PPP1R12C: variants seen among roughly 807,000 people sequenced by gnomAD.
PPP1R12C encodes the protein leukocyte receptor cluster (LRC) encoded novel gene 3.
A neutral mutation model predicts 95.6 loss-of-function variants in PPP1R12C; 48 were observed. The observed-to-expected ratio is 0.50, with a 90% confidence interval of 0.40 to 0.64. The LOEUF (loss-of-function observed/expected upper bound fraction) is 0.64, where lower values mean the gene tolerates loss of function less well. Among genes scored for constraint, PPP1R12C ranks in the 30% least tolerant of loss-of-function variants. PPP1R12C has a pLI of 0.00. For synonymous variants in PPP1R12C, 480 were observed against 460.8 expected, an observed-to-expected ratio of 1.04 and a Z score of -0.53; for missense variants, 1,057 against 1,083.3, an observed-to-expected ratio of 0.98 and a Z score of 0.34.
At chr19:55,094,594 C>T in intron 12 of PPP1R12C, 67 bp downstream of exon 12, 1 of 1,529,256 alleles carries the variant, frequency 6.5e-7, no homozygotes. Flanking sequence ...AGCCCCGGGA[C>T]TCCTGCTTCA....
rs1485892735 is a variant in PPP1R12C, at chr19:55,097,316, C to T, written c.952-981G>A. 2.1e-3 allele frequency among the ~76,000 whole-genome samples: 239 copies of T among 111,450 alleles called. 1 individual carries two copies. Among genetic ancestry groups the T allele is most frequent in the African/African-American group, 7.3e-3 (221 of 30,196 alleles). 73.1% of individuals were successfully genotyped at this position (111,450 alleles called of 152,430 possible). Reference sequence around the variant, plus strand: ...ACCCCTTCCCCACGCAGTTCACCACCGTCTTCACCCCTTCCCTGCAGTTCA... The same window carrying T: ...ACCCCTTCCCCACGCAGTTCACCACTGTCTTCACCCCTTCCCTGCAGTTCA... On this transcript the variant is annotated intron_variant, in intron 6 of 21. Transcript: ENST00000263433.
In PPP1R12C at chr19:55,095,605, TG is replaced by T; in HGVS notation, c.1228-3del. ...GGAGAAGGGGGCCTCTTCAAGCTGC[TG>T]GGAGAAGGAGGAGGTCTCAGTTAGA... On this transcript the variant is annotated splice_polypyrimidine_tract_variant and splice_region_variant and intron_variant, in intron 9 of 21. Transcript: ENST00000263433. 4 of 1,555,064 alleles carry T rather than the reference TG, an allele frequency of 2.6e-6. No homozygotes were observed. The highest frequency in any genetic ancestry group is 3.5e-6 in the Non-Finnish European group (4 of 1,154,958).
intron 1 of PPP1R12C, chr19:55,115,171 C>G (rs930693694): frequency 2.0e-5 from 3 of 152,208 alleles, no homozygotes; most frequent in Admixed American, 1.3e-4. Flanking sequence ...GGAGTAGAGG[C>G]GGCCACGACC....
chr19:55,092,031 G>C lies in PPP1R12C; in HGVS notation c.2161-122C>G, dbSNP rs550933608. On this transcript the variant is annotated intron_variant, in intron 19 of 21. Transcript: ENST00000263433. ...CAGCCCACAAGCCCTTCCCCCACGG[G>C]CCAGGCCCCGCCACCGGCAGGCCCA... The C allele has an allele frequency of 2.6e-4, 329 of 1,275,598 alleles. 3 individuals are homozygous for C. In the Middle Eastern group the frequency reaches 7.1e-3, roughly 28 times the overall value. 79.0% of individuals were successfully genotyped at this position (1,275,598 alleles called of 1,614,324 possible). A position where few individuals can be genotyped will look rare whatever the true frequency, so the allele number is the denominator to read the frequency against.
At chr19:55,115,266 G>T in intron 1 of PPP1R12C, 1 of 152,334 alleles carries the variant, frequency 6.6e-6, no homozygotes. Context: ...TGCCAGGACG[G>T]GGCTGGCTAC....
At chr19:55,108,505 A>G (rs188583443) in intron 3 of PPP1R12C, among the ~76,000 whole-genome samples, 1 of 152,252 alleles carries the variant, frequency 6.6e-6, no homozygotes, top group East Asian at 1.9e-4. Context: ...TGTACCCACT[A>G]AACTACTTCC....
intron 6 of PPP1R12C, among the ~76,000 whole-genome samples, chr19:55,097,770 T>C (rs2084938757): frequency 6.6e-6 from 1 of 152,192 alleles, no homozygotes; most frequent in Non-Finnish European, 1.5e-5. Flanking sequence ...AGTACTCACG[T>C]CTTCCAGAAA....
intron 1 of PPP1R12C, chr19:55,113,138 G>A (rs1379693978): frequency 9.7e-6 from 5 of 513,380 alleles, no homozygotes; most frequent in African/African-American, 1.9e-5. Flanking sequence ...CACAGGTGGC[G>A]CTTCCAGTGC....
In PPP1R12C at chr19:55,107,935, C is replaced by CTTTTTT. The variant is rs34454787; in HGVS notation, c.572-4373_572-4368dup. ...ATACACACAGTATAAAATTTACCAT[C>CTTTTTT]TTTTTTTTTTTTTTTTGAGATGCTG... On this transcript the variant is annotated intron_variant, in intron 3 of 21. Coordinates refer to ENST00000263433, the MANE Select transcript of PPP1R12C (RefSeq NM_017607.4). Among the ~76,000 whole-genome samples the CTTTTTT allele has an allele frequency of 4.3e-4, 58 of 134,740 alleles. 1 individual carries two copies. Among genetic ancestry groups the CTTTTTT allele is most frequent in the African/African-American group, 1.5e-3 (52 of 35,332 alleles). The allele number at this position is 134,740 out of a possible 152,430, so 88.4% of individuals were successfully genotyped here.
At chr19:55,114,624 C>T (rs2085134484) in intron 1 of PPP1R12C, 2 of 152,478 alleles carry the variant, frequency 1.3e-5, no homozygotes, top group African/African-American at 4.8e-5. Context: ...GGTCACCCCA[C>T]ACCCAGACCT....
At position 55,095,514 on chromosome 19, in the gene PPP1R12C, C is replaced by T. The variant is rs775246943; in HGVS notation, c.1317G>A (p.Ala439=). ...GALGPPERRT[A]EGAPGAGLQR... ...GCAGCCCAGCCCCAGGGGCTCCCTC[C>T]GCTGTCCGCCTTTCAGGGGGACCCA... The change falls in exon 10 of 22, where the codon GCG becomes GCA. Residue 439 remains alanine (A), a synonymous_variant. Coordinates refer to ENST00000263433, the MANE Select transcript of PPP1R12C (RefSeq NM_017607.4). 46 of 1,578,480 alleles carry T rather than the reference C, an allele frequency of 2.9e-5. No individual in the cohort carries two copies. Among genetic ancestry groups the T allele is most frequent in the Non-Finnish European group, 3.6e-5 (42 of 1,162,368 alleles).
chr19:55,112,895 G>T, intron 1 of PPP1R12C, 100 bp from the exon 2 acceptor site: 1 of 1,510,072 alleles, frequency 6.6e-7, no homozygotes. Flanking sequence ...CCAGGGACAC[G>T]GTGCTAGGAC....
chr19:55,096,051 C>T lies in PPP1R12C; in HGVS notation c.1153G>A (p.Glu385Lys), dbSNP rs148658340. The T allele has an allele frequency of 6.2e-6, 10 of 1,609,466 alleles. No individual in the cohort carries two copies. The highest frequency in any genetic ancestry group is 8.5e-6 in the Non-Finnish European group (10 of 1,179,220). Residue 385 changes from glutamate (E) to lysine (K), a missense_variant and splice_region_variant, in exon 8 of 22, where the codon GAA becomes AAA. By Grantham distance (56) the Glu-to-Lys change is moderately conservative (BLOSUM62 1). Transcript: ENST00000263433. The stretch of plus-strand genomic sequence containing the variant: ...AGGAGTCCAGATTCAGGCCCCTCAC[C>T]GGTGGGACCTTCTTCCCCCTCATCC... ...DEDEGEEGPT[E>K]PPPAEPRTLN...
At position 55,094,690 on chromosome 19, in the gene PPP1R12C, C is replaced by T. The variant is rs1167545066; in HGVS notation, c.1563G>A (p.Ala521=). The change falls in exon 12 of 22, where the codon GCG becomes GCA. Residue 521 remains alanine, a synonymous_variant. Transcript: ENST00000263433. Reference sequence around the variant, plus strand: ...GTCGGTCCCGGGAGTCCGCTGGGGGCGCCGTGGAGGCTGTGGGGACGTTTG... The same window carrying T: ...GTCGGTCCCGGGAGTCCGCTGGGGGTGCCGTGGAGGCTGTGGGGACGTTTG... ...AKPNVPTAST[A]PPADSRDRRR... 1 of 1,605,084 alleles carries T rather than the reference C, an allele frequency of 6.2e-7. No homozygotes were observed. The highest frequency in any genetic ancestry group is 8.5e-7 in the Non-Finnish European group (1 of 1,177,436).
At chr19:55,102,059 A>C (rs551564689) in intron 4 of PPP1R12C, among the ~76,000 whole-genome samples, 1 of 152,312 alleles carries the variant, frequency 6.6e-6, no homozygotes, top group South Asian at 2.1e-4. Flanking sequence ...ATATGATCAC[A>C]AAAGAGAGAA....
chr19:55,103,098 T>C lies in PPP1R12C; in HGVS notation c.731+311A>G, dbSNP rs138011996. 1.0e-3 allele frequency among the ~76,000 whole-genome samples: 159 copies of C among 152,010 alleles called. 4 individuals carry two copies. The East Asian group carries it at 0.03, about 29-fold the overall frequency. ...GTCCCCACTATTCAGGAGGCTGAGG[T>C]AGGAGGATCACCTGAGCCTGGGGAG... On this transcript the variant is annotated intron_variant, in intron 4 of 21. Coordinates refer to ENST00000263433, the MANE Select transcript of PPP1R12C (RefSeq NM_017607.4).
intron 11 of PPP1R12C, 135 bp from the exon 12 acceptor site, chr19:55,094,933 C>T (rs2084892715): frequency 3.7e-6 from 4 of 1,075,634 alleles, no homozygotes; most frequent in Non-Finnish European, 5.5e-6. Context: ...ACACAAAACC[C>T]ACAAAAGCCA....
chr19:55,105,775 G>T (rs924674266), intron 3 of PPP1R12C, among the ~76,000 whole-genome samples: 3 of 152,010 alleles, frequency 2.0e-5, no homozygotes, highest in African/African-American at 7.3e-5. Context: ...GGGAGACCTT[G>T]TCTCTAGAAA....
At chr19:55,092,412 C>T in intron 18 of PPP1R12C, 30 bp downstream of exon 18, 1 of 1,583,502 alleles carries the variant, frequency 6.3e-7, no homozygotes, top group Non-Finnish European at 8.6e-7. Context: ...ACCCAGCAGG[C>T]AAAGCCCCGA....
Sources: allele counts gnomAD v4.1 joint callset (sites outside exome capture counted in the v4.1 genomes callset), GRCh38; gene constraint gnomAD v4.1.1; transcripts MANE v1.5; gene names NCBI Gene and HGNC (gene_info 2026-07-23, HGNC 2026-07-21).